Variants in SERHL2 observed in about 807,000 individuals in gnomAD.
SERHL2 encodes serine hydrolase-like protein 2.
SERHL2 carries 29 observed loss-of-function variants against 25.5 expected under a neutral mutation model. The observed-to-expected ratio is 1.14, with a 90% CI of 0.85 to 1.55. The LOEUF (loss-of-function observed/expected upper bound fraction) is 1.55, where lower values mean the gene tolerates loss of function less well. SERHL2 is among the 40% of genes most tolerant of loss of function. SERHL2 has a pLI of 0.00. For synonymous variants in SERHL2, 95 were observed against 103.5 expected, an observed-to-expected ratio of 0.92 and a Z score of 0.50; for missense variants, 240 against 252.3, an observed-to-expected ratio of 0.95 and a Z score of 0.33.
intron 7 of SERHL2, among the ~76,000 whole-genome samples, chr22:42,559,521 G>A (rs1263368085): frequency 1.3e-5 from 2 of 151,708 alleles, no homozygotes; most frequent in Non-Finnish European, 2.9e-5. Context: ...CTAAGATGGT[G>A]AAACCCTGTG....
rs1449075267 is a variant in SERHL2, at chr22:42,570,700, G to A, written c.649-421G>A. ...GGTCCCAGCAAGTTTCTTCCTCCTGGCAAGAAGCCTGTCCCAGGCTGGCAG... is the reference window on the plus strand; with the variant it reads ...GGTCCCAGCAAGTTTCTTCCTCCTGACAAGAAGCCTGTCCCAGGCTGGCAG... On this transcript the variant is annotated intron_variant, in intron 9 of 11. Transcript: ENST00000327678. Among the ~76,000 whole-genome samples the A allele has an allele frequency of 3.3e-5, 5 of 152,248 alleles. No homozygotes were observed. In the East Asian group the frequency reaches 9.6e-4, roughly 29 times the overall value.
chr22:42,572,399 G>A, intron 10 of SERHL2, 37 bp from the exon 11 acceptor site: 2 of 1,517,668 alleles, frequency 1.3e-6, no homozygotes, highest in Middle Eastern at 3.4e-4. Flanking sequence ...GCGGTTCTAA[G>A]ATGAACCCCA....
chr22:42,561,357 CTT>C (rs1221157760), intron 8 of SERHL2, among the ~76,000 whole-genome samples: 1 of 151,732 alleles, frequency 6.6e-6, no homozygotes, highest in Non-Finnish European at 1.5e-5. Flanking sequence ...TTAGACTCCC[CTT>C]GTTTGCTCAG....
chr22:42,565,880 G>A (rs77221604), intron 8 of SERHL2, among the ~76,000 whole-genome samples: 14,405 of 151,848 alleles, frequency 0.095, 1,507 homozygotes, highest in East Asian at 0.6. Flanking sequence ...TTGAGACAGA[G>A]TCTTGCTCTG....
At position 42,571,179 on chromosome 22, in the gene SERHL2, T is replaced by C; in HGVS notation, c.707T>C (p.Leu236Pro). The change falls in exon 10 of 12, where the codon CTG becomes CCG. Residue 236 changes from leucine to proline, a missense_variant. Physicochemically the swap from Leu to Pro is moderately conservative, Grantham distance 98. Transcript: ENST00000327678. ...RELCAHSIRK[L>P]QAHVLLIKAV... The stretch of plus-strand genomic sequence containing the variant: ...CTGTGTGCGCATTCCATCAGGAAGC[T>C]GCAGGCCCATGTCCTGTTGATCAAG... The C allele has an allele frequency of 6.2e-7, 1 of 1,613,472 alleles. No homozygotes were observed. Among genetic ancestry groups the C allele is most frequent in the South Asian group, 1.1e-5 (1 of 91,076 alleles).
At position 42,554,094 on chromosome 22, in the gene SERHL2, G is replaced by A. The variant is rs1259974136; in HGVS notation, c.22+52G>A. 8 of 1,603,336 alleles carry A rather than the reference G, an allele frequency of 5.0e-6. No individual in the cohort carries two copies. In the African/African-American group the frequency reaches 5.4e-5, roughly 11 times the overall value. On this transcript the variant is annotated intron_variant, in intron 1 of 11. Coordinates refer to ENST00000327678, the MANE Select transcript of SERHL2 (RefSeq NM_014509.5). ...GTCCCACTGCCCACCCACCTGGTTG[G>A]GACAGTAGAAGAGGGCGGGATGGAG... is the stretch of plus-strand genomic sequence containing the variant.
chr22:42,560,184 A>AG lies in SERHL2; in HGVS notation c.534dup. Reference sequence around the variant, plus strand: ...ACCCAGCATCCTTCTGTCTCCCCCCAGGTTACTGAAGAGCAATAGCCACTT... The same window carrying AG: ...ACCCAGCATCCTTCTGTCTCCCCCCAGGGTTACTGAAGAGCAATAGCCACTT... On this transcript the variant is annotated splice_acceptor_variant, in intron 7 of 11. Coordinates refer to ENST00000327678, the MANE Select transcript of SERHL2 (RefSeq NM_014509.5). LOFTEE classifies it high-confidence loss of function. 6.2e-7 allele frequency: 1 copy of AG among 1,609,804 alleles called. No homozygotes were observed. The highest frequency in any genetic ancestry group is 8.5e-7 in the Non-Finnish European group (1 of 1,176,546).
chr22:42,567,271 G>A (rs1023749654), intron 9 of SERHL2, among the ~76,000 whole-genome samples: 27 of 152,204 alleles, frequency 1.8e-4, no homozygotes, highest in African/African-American at 6.3e-4. Flanking sequence ...GTCTGGGAAT[G>A]TTAACGTGTT....
rs762953936 is a variant in SERHL2 at position 42,553,982 on chromosome 22, G to A, written c.-39G>A. Reference sequence around the variant, plus strand: ...CTCTGCTCCTGCGACCTAGCCAGGCGTGAGGGAGTGACAGCAGCGCATTCG... The same window carrying A: ...CTCTGCTCCTGCGACCTAGCCAGGCATGAGGGAGTGACAGCAGCGCATTCG... On this transcript the variant is annotated 5_prime_UTR_variant, in exon 1 of 12. In the 5' UTR this introduces an upstream ATG that the reference lacks. Transcript: ENST00000327678. 24 of 1,612,614 alleles carry A rather than the reference G, an allele frequency of 1.5e-5. No individual in the cohort carries two copies. Among genetic ancestry groups the A allele is most frequent in the Middle Eastern group, 1.6e-4 (1 of 6,070 alleles).
intron 11 of SERHL2, 96 bp from the exon 12 acceptor site, chr22:42,573,840 A>T: frequency 8.5e-7 from 1 of 1,174,940 alleles, no homozygotes. Flanking sequence ...ACCTGCAGGG[A>T]GCTGGAATGC....
chr22:42,571,488 C>G, intron 10 of SERHL2: 1 of 1,250,788 alleles, frequency 8.0e-7, no homozygotes, highest in Non-Finnish European at 1.0e-6. Flanking sequence ...CCAGTGAGCC[C>G]AGTCTCGGCT....
chr22:42,561,160 A>G (rs371063624), intron 8 of SERHL2, among the ~76,000 whole-genome samples: 1 of 151,902 alleles, frequency 6.6e-6, no homozygotes, highest in Non-Finnish European at 1.5e-5. Context: ...AAGGAAATAC[A>G]TGGTGCTCTA....
chr22:42,569,030 C>T (rs1378107466), intron 9 of SERHL2: 1 of 151,428 alleles, frequency 6.6e-6, no homozygotes, highest in African/African-American at 2.4e-5. Flanking sequence ...TACAGGCGCC[C>T]TCCACCATGC....
chr22:42,570,828 C>A (rs1046409), intron 9 of SERHL2, among the ~76,000 whole-genome samples: 11 of 152,132 alleles, frequency 7.2e-5, no homozygotes, highest in Admixed American at 6.5e-5. Context: ...CACTTCTCTG[C>A]CTTTAATCTC....
At chr22:42,555,959 C>A in intron 4 of SERHL2, 105 bp from the exon 5 acceptor site, 1 of 376,228 alleles carries the variant, frequency 2.7e-6, no homozygotes, top group South Asian at 2.9e-5. Context: ...GAGCCCCCAG[C>A]CACCCATATG....
intron 8 of SERHL2, among the ~76,000 whole-genome samples, chr22:42,564,355 C>T (rs1044250585): frequency 6.6e-6 from 1 of 151,594 alleles, no homozygotes; most frequent in Admixed American, 6.6e-5. Context: ...CCCATCTGTA[C>T]TTGGGTCTGT....
chr22:42,565,927 C>T (rs991358808), intron 8 of SERHL2, among the ~76,000 whole-genome samples: 1 of 151,990 alleles, frequency 6.6e-6, no homozygotes, highest in African/African-American at 2.4e-5. Context: ...GATCTCAGCT[C>T]ACCACAACCA....
chr22:42,563,410 C>T (rs988333214), intron 8 of SERHL2: 9 of 439,778 alleles, frequency 2.0e-5, no homozygotes, highest in African/African-American at 4.1e-5. Flanking sequence ...CGCCATGTTG[C>T]CCAGGCTGGT....
intron 8 of SERHL2, among the ~76,000 whole-genome samples, chr22:42,563,136 T>A: frequency 6.6e-6 from 1 of 151,830 alleles, no homozygotes; most frequent in African/African-American, 2.4e-5. Context: ...GAGGCTGCAT[T>A]GAACCTTGAT....
Sources: allele counts gnomAD v4.1 joint callset (sites outside exome capture counted in the v4.1 genomes callset), GRCh38; gene constraint gnomAD v4.1.1; transcripts MANE v1.5; gene names NCBI Gene and HGNC (gene_info 2026-07-23, HGNC 2026-07-21).